SPATA6L: variants seen among roughly 807,000 people sequenced by gnomAD.
SPATA6L encodes the protein spermatogenesis associated 6-like protein.
Under a neutral mutation model 49.2 loss-of-function variants are expected in SPATA6L, and 68 were observed. That is an observed-to-expected ratio of 1.38 (90% CI 1.14 to 1.69). The LOEUF is 1.69. SPATA6L is among the 40% of genes most tolerant of loss of function. The probability of loss-of-function intolerance (pLI) is 0.00; values close to 1 mark genes in which losing one functional copy is unlikely to be tolerated. For synonymous variants in SPATA6L, 198 were observed against 165.7 expected (o/e 1.19, Z -1.50); for missense variants, 668 against 464.3 (o/e 1.44, Z -4.03).
rs1196948576 is a variant in SPATA6L at position 4,662,982 on chromosome 9, C to T, written c.40-946G>A. ...CAACCAGATGGACATGTTTGTCACTCTCTCGGTGGACAAGTACTCCTTCCC... is the reference window on the plus strand; with the variant it reads ...CAACCAGATGGACATGTTTGTCACTTTCTCGGTGGACAAGTACTCCTTCCC... On this transcript the variant is annotated intron_variant, in intron 1 of 11. Coordinates refer to ENST00000682582, the MANE Select transcript of SPATA6L (RefSeq NM_001353486.2). The surrounding 1 kb of genome is among the most constrained non-coding windows in gnomAD (Gnocchi z 4.9). 1 of 1,613,100 alleles carries T rather than the reference C, an allele frequency of 6.2e-7. No individual in the cohort carries two copies. Among genetic ancestry groups the T allele is most frequent in the East Asian group, 2.2e-5 (1 of 44,846 alleles).
intron 13 of SPATA6L, among the ~76,000 whole-genome samples, chr9:4,589,946 C>G (rs140597002): frequency 6.6e-6 from 1 of 152,152 alleles, no homozygotes; most frequent in African/African-American, 2.4e-5. Context: ...TATTTTGACA[C>G]GGAGTCTCAC....
At chr9:4,612,859 A>G (rs906224188) in intron 9 of SPATA6L, among the ~76,000 whole-genome samples, 8 of 152,216 alleles carry the variant, frequency 5.3e-5, no homozygotes, top group African/African-American at 1.9e-4. Context: ...CTGAGGTATA[A>G]CTAAGCTGAA....
At chr9:4,625,130 T>C (rs1830093131) in intron 6 of SPATA6L, 197 bp downstream of exon 6, 6 of 955,658 alleles carry the variant, frequency 6.3e-6, no homozygotes, top group African/African-American at 1.7e-5. Flanking sequence ...GCAAGTCCCC[T>C]GTATAAGGTA....
At chr9:4,646,762 A>G (rs548798820) in intron 3 of SPATA6L, among the ~76,000 whole-genome samples, 52 of 152,318 alleles carry the variant, frequency 3.4e-4, no homozygotes, top group African/African-American at 1.2e-3. Flanking sequence ...CATAAAAAAG[A>G]ACAAGCGTTC....
intron 2 of SPATA6L, among the ~76,000 whole-genome samples, chr9:4,657,581 A>C (rs1364729002): frequency 2.0e-5 from 3 of 152,186 alleles, no homozygotes; most frequent in African/African-American, 7.2e-5. Context: ...TTTAGGCAAA[A>C]TTAAATTTAT....
chr9:4,645,440 C>A (rs1835159370), intron 3 of SPATA6L, among the ~76,000 whole-genome samples: 1 of 152,090 alleles, frequency 6.6e-6, no homozygotes, highest in African/African-American at 2.4e-5. Context: ...TGGTGAGGGC[C>A]TTCTTGCTGG....
At chr9:4,643,298 A>G (rs1463840053) in intron 3 of SPATA6L, among the ~76,000 whole-genome samples, 2 of 152,116 alleles carry the variant, frequency 1.3e-5, no homozygotes, top group East Asian at 1.9e-4. Context: ...GAGCCATGAC[A>G]TACTTTGCAA....
At chr9:4,602,173 C>A (rs567480244) in intron 11 of SPATA6L, among the ~76,000 whole-genome samples, 1 of 151,792 alleles carries the variant, frequency 6.6e-6, no homozygotes, top group South Asian at 2.1e-4. Flanking sequence ...TTCTCTCTAT[C>A]CCCCCACATC....
At chr9:4,626,928 T>C (rs1035323897) in intron 5 of SPATA6L, 7 of 160,782 alleles carry the variant, frequency 4.4e-5, no homozygotes, top group African/African-American at 1.7e-4. Flanking sequence ...AAGTGTGATG[T>C]GTGTACAGAA....
intron 3 of SPATA6L, among the ~76,000 whole-genome samples, chr9:4,643,868 G>T (rs960430483): frequency 1.3e-5 from 2 of 151,998 alleles, no homozygotes; most frequent in Non-Finnish European, 2.9e-5. Context: ...TTAGCTGGAC[G>T]CATTGGCAGG....
At chr9:4,601,853 C>A (rs985905023) in intron 11 of SPATA6L, among the ~76,000 whole-genome samples, 1 of 152,156 alleles carries the variant, frequency 6.6e-6, no homozygotes, top group African/African-American at 2.4e-5. Context: ...TTTGATCTTG[C>A]CTGTTTGGAT....
In SPATA6L at chr9:4,599,077, G is replaced by T. The variant is rs534346976; in HGVS notation, c.*1734C>A. ...AAGTCTAAACACGAAATTCATTTAC[G>T]TTTTATATACACTTTATACAGGTAG... is the stretch of plus-strand genomic sequence containing the variant. On this transcript the variant is annotated 3_prime_UTR_variant, in exon 12 of 12. Coordinates refer to ENST00000682582, the MANE Select transcript of SPATA6L (RefSeq NM_001353486.2). Among the ~76,000 whole-genome samples the T allele has an allele frequency of 5.1e-4, 78 of 152,320 alleles. No individual in the cohort carries two copies. Among genetic ancestry groups the T allele is most frequent in the African/African-American group, 1.7e-3 (72 of 41,580 alleles).
intron 5 of SPATA6L, chr9:4,626,322 A>T (rs1361343224): frequency 8.3e-7 from 1 of 1,208,290 alleles, no homozygotes; most frequent in Non-Finnish European, 1.1e-6. Flanking sequence ...CCCTGTTCAG[A>T]TTTGAGTCTA....
At chr9:4,620,337 C>T (rs554219823) in intron 7 of SPATA6L, among the ~76,000 whole-genome samples, 2 of 152,320 alleles carry the variant, frequency 1.3e-5, no homozygotes, top group East Asian at 3.9e-4. Context: ...TCCTTCCTAC[C>T]GGTTTTGAGC....
At chr9:4,602,291 A>C (rs1823521132) in intron 11 of SPATA6L, among the ~76,000 whole-genome samples, 1 of 152,162 alleles carries the variant, frequency 6.6e-6, no homozygotes, top group African/African-American at 2.4e-5. Flanking sequence ...GTTCCGTATA[A>C]CCACCTAAAT....
At chr9:4,660,868 C>T (rs1162820818) in intron 2 of SPATA6L, among the ~76,000 whole-genome samples, 3 of 152,150 alleles carry the variant, frequency 2.0e-5, no homozygotes, top group Non-Finnish European at 2.9e-5. Context: ...AGGATGAGTT[C>T]GTGTCCTTTG....
At chr9:4,597,014 C>A (rs1586901521), downstream of SPATA6L, among the ~76,000 whole-genome samples, 2 of 152,274 alleles carry the variant, frequency 1.3e-5, no homozygotes, top group South Asian at 2.1e-4. Context: ...ATTTAATGTA[C>A]TTTAAATGTA....
intron 3 of SPATA6L, among the ~76,000 whole-genome samples, chr9:4,652,122 T>C (rs1837028019): frequency 1.3e-5 from 2 of 152,290 alleles, no homozygotes; most frequent in Non-Finnish European, 2.9e-5. Context: ...AATATCAGTA[T>C]ATAAAAATCA....
intron 9 of SPATA6L, among the ~76,000 whole-genome samples, chr9:4,614,619 C>T (rs1827541900): frequency 6.6e-6 from 1 of 152,160 alleles, no homozygotes; most frequent in Non-Finnish European, 1.5e-5. Flanking sequence ...ATCTTCAGAG[C>T]CACTTCTCTA....
Sources: gnomAD v4.1 joint callset for allele counts (sites outside exome capture counted in the v4.1 genomes callset) on GRCh38, gnomAD v4.1.1 for gene constraint, Gnocchi (gnomAD v3.1) non-coding constraint, MANE v1.5 for transcripts, NCBI Gene and HGNC (gene_info 2026-07-23, HGNC 2026-07-21) for gene names.